Variants in GOLPH3 observed in about 807,000 individuals in gnomAD.
The protein encoded by GOLPH3 is coat protein GPP34.
GOLPH3 carries 14 observed loss-of-function variants against 28.5 expected under a neutral mutation model. That is an observed-to-expected ratio of 0.49 (90% CI 0.32 to 0.77). The LOEUF is 0.77. Ranked by LOEUF, GOLPH3 falls within the 30% of genes least tolerant of loss-of-function variation. GOLPH3 has a pLI of 0.03. For missense variants in GOLPH3, 350 were observed against 393.7 expected, an observed-to-expected ratio of 0.89 and a Z score of 0.94; for synonymous variants, 158 against 159.2, an observed-to-expected ratio of 0.99 and a Z score of 0.06.
intron 1 of GOLPH3, among the ~76,000 whole-genome samples, chr5:32,165,201 G>T (rs1006812588): frequency 7.9e-5 from 12 of 152,080 alleles, no homozygotes; most frequent in African/African-American, 2.9e-4. Flanking sequence ...CACCTGCCAG[G>T]GTTAGGTAAA....
At chr5:32,142,332 C>T (rs544591158) in intron 2 of GOLPH3, among the ~76,000 whole-genome samples, 97 of 150,106 alleles carry the variant, frequency 6.5e-4, no homozygotes, top group Non-Finnish European at 1.1e-3. Context: ...GCCTGGCAAC[C>T]GCCCCGTCTG....
At chr5:32,130,236 A>G (rs999445094) in intron 3 of GOLPH3, among the ~76,000 whole-genome samples, 2 of 152,260 alleles carry the variant, frequency 1.3e-5, no homozygotes, top group East Asian at 1.9e-4. Flanking sequence ...TCTAATGTCA[A>G]TGGCAGGTGT....
At chr5:32,154,832 C>T (rs1410680463) in intron 1 of GOLPH3, among the ~76,000 whole-genome samples, 2 of 152,160 alleles carry the variant, frequency 1.3e-5, no homozygotes, top group Non-Finnish European at 2.9e-5. Context: ...CACCTGTAAT[C>T]CCAGTACTTT....
At chr5:32,140,599 G>A (rs1399163049) in intron 2 of GOLPH3, among the ~76,000 whole-genome samples, 1 of 151,410 alleles carries the variant, frequency 6.6e-6, no homozygotes, top group Non-Finnish European at 1.5e-5. Flanking sequence ...GGAGGCGGAG[G>A]TTACAGTGAG....
chr5:32,138,974 C>CT (rs1200664832), intron 2 of GOLPH3, among the ~76,000 whole-genome samples: 2 of 152,228 alleles, frequency 1.3e-5, no homozygotes, highest in Non-Finnish European at 2.9e-5. Context: ...CCCACTCATT[C>CT]TTTATATTTA....
intron 3 of GOLPH3, among the ~76,000 whole-genome samples, chr5:32,128,495 T>C (rs1186779438): frequency 1.3e-5 from 2 of 151,930 alleles, no homozygotes; most frequent in African/African-American, 4.8e-5. Context: ...CCATCTCTTC[T>C]ACAACTGCAA....
chr5:32,161,199 T>C (rs887990489), intron 1 of GOLPH3, among the ~76,000 whole-genome samples: 2 of 150,476 alleles, frequency 1.3e-5, no homozygotes, highest in Admixed American at 1.3e-4. Flanking sequence ...GCCCAGGAAT[T>C]TGAGACCAAC....
intron 1 of GOLPH3, among the ~76,000 whole-genome samples, chr5:32,168,103 G>C (rs1242959908): frequency 6.6e-6 from 1 of 152,092 alleles, no homozygotes; most frequent in Non-Finnish European, 1.5e-5. Context: ...ATTTGTCTTA[G>C]AAACAACGAA....
chr5:32,171,107 T>C (rs1746824183), intron 1 of GOLPH3, among the ~76,000 whole-genome samples: 1 of 152,178 alleles, frequency 6.6e-6, no homozygotes, highest in African/African-American at 2.4e-5. Context: ...CTTCAACAAA[T>C]TATTTAGATT....
At chr5:32,132,810 G>A (rs902456217) in intron 3 of GOLPH3, among the ~76,000 whole-genome samples, 3 of 152,074 alleles carry the variant, frequency 2.0e-5, no homozygotes, top group Non-Finnish European at 4.4e-5. Flanking sequence ...CTGGTATCTT[G>A]ATACTTTCAA....
At position 32,126,270 on chromosome 5, in the gene GOLPH3, C is replaced by T. The variant is rs757884048; in HGVS notation, c.839G>A (p.Cys280Tyr). The T allele has an allele frequency of 1.3e-5, 21 of 1,614,170 alleles. No homozygotes were observed. The highest frequency in any genetic ancestry group is 7.6e-6 in the Non-Finnish European group (9 of 1,180,030). The change falls in exon 4 of 4, where the codon TGT becomes TAT. Residue 280 changes from cysteine to tyrosine, a missense_variant. Coordinates refer to ENST00000265070, the MANE Select transcript of GOLPH3 (RefSeq NM_022130.4). ...QLLDLDPEVECLKANTNEVLW... is the reference protein window; with the variant it reads ...QLLDLDPEVEYLKANTNEVLW... Reference sequence around the variant, plus strand: ...AACCTCATTGGTGTTGGCCTTCAGACATTCCACTTCAGGGTCTAAGTCGAG... The same window carrying T: ...AACCTCATTGGTGTTGGCCTTCAGATATTCCACTTCAGGGTCTAAGTCGAG...
At chr5:32,157,479 A>G (rs902985353) in intron 1 of GOLPH3, among the ~76,000 whole-genome samples, 1 of 152,210 alleles carries the variant, frequency 6.6e-6, no homozygotes, top group Non-Finnish European at 1.5e-5. Flanking sequence ...ACAACGCCAG[A>G]GTACACTACC....
At chr5:32,141,813 G>A (rs905663339) in intron 2 of GOLPH3, among the ~76,000 whole-genome samples, 93 of 152,084 alleles carry the variant, frequency 6.1e-4, no homozygotes, top group Non-Finnish European at 1.1e-3. Context: ...TGTGTTGGCC[G>A]GGCTGGTCTC....
chr5:32,131,137 C>T (rs980433352), intron 3 of GOLPH3, among the ~76,000 whole-genome samples: 40 of 152,212 alleles, frequency 2.6e-4, no homozygotes, highest in Non-Finnish European at 4.9e-4. Context: ...TGTGCTCACT[C>T]CAACAAATAG....
intron 1 of GOLPH3, among the ~76,000 whole-genome samples, chr5:32,158,260 T>G (rs1270552065): frequency 6.6e-6 from 1 of 151,034 alleles, no homozygotes; most frequent in Non-Finnish European, 1.5e-5. Context: ...CCTCTAAAGC[T>G]CAGCTCATTT....
chr5:32,172,930 A>G (rs558708822), intron 1 of GOLPH3, among the ~76,000 whole-genome samples: 3 of 152,370 alleles, frequency 2.0e-5, no homozygotes, highest in Non-Finnish European at 2.9e-5. Flanking sequence ...GAATCTAGAA[A>G]GAGTATATAT....
chr5:32,151,447 C>A (rs1402677806), intron 1 of GOLPH3, among the ~76,000 whole-genome samples: 1 of 152,120 alleles, frequency 6.6e-6, no homozygotes, highest in Non-Finnish European at 1.5e-5. Flanking sequence ...GAGGTTGAGG[C>A]TGCAATGAGC....
At position 32,173,791 on chromosome 5, in the gene GOLPH3, C is replaced by A. The variant is rs1561691906; in HGVS notation, c.225+19G>T. 6.6e-6 allele frequency: 9 copies of A among 1,364,054 alleles called. No individual in the cohort carries two copies. The East Asian group carries it at 2.8e-4, about 43-fold the overall frequency. The allele number at this position is 1,364,054 out of a possible 1,614,324, so 84.5% of individuals were successfully genotyped here. A position where few individuals can be genotyped will look rare whatever the true frequency, so the allele number is the denominator to read the frequency against. On this transcript the variant is annotated intron_variant, in intron 1 of 3. Transcript: ENST00000265070. Reference sequence around the variant, plus strand: ...GGGCCCCGCGCCGCCGCCCCCCGCCCAGCCCGCCGCGCCCGCACCTCGCGG... The same window carrying A: ...GGGCCCCGCGCCGCCGCCCCCCGCCAAGCCCGCCGCGCCCGCACCTCGCGG...
Position 32,164,518 on chromosome 5 carries a change from C to G in GOLPH3, c.225+9292G>C, listed in dbSNP as rs540482320. Among the ~76,000 whole-genome samples, 13 of 152,078 alleles carry G rather than the reference C, an allele frequency of 8.5e-5. No individual in the cohort carries two copies. The South Asian group carries it at 1.7e-3, about 19-fold the overall frequency. On this transcript the variant is annotated intron_variant, in intron 1 of 3. Transcript: ENST00000265070. Reference sequence around the variant, plus strand: ...ACGCCATTCTCCTGCCTCAGCCTCCCGAGTAGCTGGGACTACAGGAGCCCG... The same window carrying G: ...ACGCCATTCTCCTGCCTCAGCCTCCGGAGTAGCTGGGACTACAGGAGCCCG...
Sources: allele counts gnomAD v4.1 joint callset (sites outside exome capture counted in the v4.1 genomes callset), GRCh38; gene constraint gnomAD v4.1.1; transcripts MANE v1.5; gene names NCBI Gene and HGNC (gene_info 2026-07-23, HGNC 2026-07-21).